The following QTMAN variants were observed in gnomAD, a reference collection of about 807,000 sequenced individuals.
QTMAN encodes queuosine-tRNA mannosyltransferase.
the QTMAN span, among the ~76,000 whole-genome samples, chr2:144,192,774 T>G: frequency 1.3e-5 from 2 of 152,244 alleles, no homozygotes; most frequent in East Asian, 1.9e-4. Context: ...TGACCTGAAA[T>G]GACCAATTAC....
At chr2:144,325,723 C>T in the QTMAN span, among the ~76,000 whole-genome samples, 2 of 146,226 alleles carry the variant, frequency 1.4e-5, no homozygotes, top group Middle Eastern at 3.8e-3. Context: ...ACCCCCTCGC[C>T]TCTACACATA....
chr2:143,992,903 G>C, the QTMAN span, among the ~76,000 whole-genome samples: 1 of 152,072 alleles, frequency 6.6e-6, no homozygotes, highest in Non-Finnish European at 1.5e-5. Context: ...TATTTATCAA[G>C]AATAGTAATG....
At chr2:144,266,735 G>A in the QTMAN span, among the ~76,000 whole-genome samples, 1 of 152,294 alleles carries the variant, frequency 6.6e-6, no homozygotes, top group South Asian at 2.1e-4. Context: ...AACCAGCAAT[G>A]ATAACTCAGG....
At chr2:143,990,596 T>C in the QTMAN span, among the ~76,000 whole-genome samples, 1 of 152,178 alleles carries the variant, frequency 6.6e-6, no homozygotes, top group Non-Finnish European at 1.5e-5. Context: ...TCTCCTGTAA[T>C]TTCCTAATCT....
chr2:144,246,224 T>G, the QTMAN span, among the ~76,000 whole-genome samples: 1 of 152,222 alleles, frequency 6.6e-6, no homozygotes, highest in Non-Finnish European at 1.5e-5. Context: ...TTGCCTGCCA[T>G]AAGCCAAAGA....
chr2:144,103,243 T>C, the QTMAN span, among the ~76,000 whole-genome samples: 4 of 152,222 alleles, frequency 2.6e-5, no homozygotes, highest in South Asian at 2.1e-4. Context: ...GGCTGCCATT[T>C]TGTTAGTAGA....
the QTMAN span, among the ~76,000 whole-genome samples, chr2:144,033,670 G>A: frequency 2.0e-5 from 3 of 152,090 alleles, no homozygotes; most frequent in African/African-American, 4.8e-5. Flanking sequence ...AGTGTGGGTG[G>A]GGCCAAAAGT....
chr2:144,139,671 G>A, the QTMAN span, among the ~76,000 whole-genome samples: 1 of 152,150 alleles, frequency 6.6e-6, no homozygotes, highest in East Asian at 1.9e-4. Flanking sequence ...GAGTGAGGCA[G>A]GAGATAAGTG....
chr2:144,293,583 G>A, the QTMAN span, among the ~76,000 whole-genome samples: 4 of 152,158 alleles, frequency 2.6e-5, no homozygotes, highest in Non-Finnish European at 5.9e-5. Context: ...TGTCCACACA[G>A]CATGCATTTC....
At chr2:143,991,393 A>G in the QTMAN span, among the ~76,000 whole-genome samples, 2 of 151,508 alleles carry the variant, frequency 1.3e-5, no homozygotes, top group Non-Finnish European at 2.9e-5. Flanking sequence ...GTGGGGGGTC[A>G]GCCCCCCGCC....
At chr2:144,317,346 T>G in the QTMAN span, 3 of 122,850 alleles carry the variant, frequency 2.4e-5, no homozygotes, top group South Asian at 7.1e-4. Context: ...TAAATTGGTA[T>G]GCAACAAGAT....
chr2:144,162,814 A>T, the QTMAN span, among the ~76,000 whole-genome samples: 2 of 152,166 alleles, frequency 1.3e-5, no homozygotes, highest in Non-Finnish European at 2.9e-5. Flanking sequence ...GAAGCTAAGG[A>T]TGTGTCTATC....
chr2:144,059,862 A>G, the QTMAN span, among the ~76,000 whole-genome samples: 1 of 151,928 alleles, frequency 6.6e-6, no homozygotes, highest in African/African-American at 2.4e-5. Flanking sequence ...CCAAAATTTC[A>G]TCTCTCAGGG....
the QTMAN span, among the ~76,000 whole-genome samples, chr2:144,191,127 G>T: frequency 1.3e-5 from 2 of 152,178 alleles, no homozygotes; most frequent in East Asian, 3.8e-4. Context: ...CATGGAAAAA[G>T]AGAAGTCTCA....
At chr2:144,227,598 CA>C in the QTMAN span, among the ~76,000 whole-genome samples, 1 of 152,136 alleles carries the variant, frequency 6.6e-6, no homozygotes, top group Non-Finnish European at 1.5e-5. Flanking sequence ...AGCGTAAAGA[CA>C]CCAAGATGAC....
the QTMAN span, among the ~76,000 whole-genome samples, chr2:144,163,360 G>T: frequency 3.3e-5 from 5 of 151,950 alleles, no homozygotes; most frequent in Admixed American, 2.0e-4. Context: ...TGAATTATTT[G>T]ATTTAAAGTA....
chr2:144,308,704 G>A, the QTMAN span, among the ~76,000 whole-genome samples: 2 of 151,998 alleles, frequency 1.3e-5, no homozygotes, highest in African/African-American at 4.8e-5. Context: ...GGTGGCTCAC[G>A]CCTGTAATCC....
chr2:144,100,855 CTTTCTTT>C, the QTMAN span, among the ~76,000 whole-genome samples: 1 of 99,166 alleles, frequency 1.0e-5, no homozygotes, highest in African/African-American at 3.8e-5. Context: ...TTTAGTCTTT[CTTTCTTT>C]TTTTTTTTTT....
At chr2:144,195,079 T>A in the QTMAN span, among the ~76,000 whole-genome samples, 3 of 152,168 alleles carry the variant, frequency 2.0e-5, no homozygotes, top group African/African-American at 7.2e-5. Context: ...ATTACCTTTT[T>A]TCCTGTAAAA....
Sources: allele counts gnomAD v4.1 joint callset (sites outside exome capture counted in the v4.1 genomes callset), GRCh38; gene constraint gnomAD v4.1.1; transcripts MANE v1.5; gene names NCBI Gene and HGNC (gene_info 2026-07-23, HGNC 2026-07-21).